Variants in UBR1 observed in about 807,000 individuals in gnomAD.
UBR1 encodes ubiquitin protein ligase E3 component n-recognin 1.
UBR1 carries 102 observed loss-of-function variants against 242.1 expected under a neutral mutation model. That is an observed-to-expected ratio of 0.42 (90% CI 0.36 to 0.50). The LOEUF is 0.50. Ranked by LOEUF, UBR1 falls within the 20% of genes least tolerant of loss-of-function variation. The pLI, the probability that UBR1 is intolerant of heterozygous loss-of-function variation, is 0.01. For synonymous variants in UBR1, 675 were observed against 684.8 expected (o/e 0.99, Z 0.22); for missense variants, 1,772 against 2,101.8 (o/e 0.84, Z 3.07).
In UBR1 at chr15:43,037,901, C is replaced by A; in HGVS notation, c.1912-18G>T. The A allele has an allele frequency of 6.3e-7, 1 of 1,597,684 alleles. No individual in the cohort carries two copies. The highest frequency in any genetic ancestry group is 1.1e-5 in the South Asian group (1 of 90,174). On this transcript the variant is annotated intron_variant, in intron 16 of 46. Transcript: ENST00000290650. Reference sequence around the variant, plus strand: ...AAGTCCTCCTGAAATAGAGTGAGTTCAATTTTATCATTTCTCACAGAGCTT... The same window carrying A: ...AAGTCCTCCTGAAATAGAGTGAGTTAAATTTTATCATTTCTCACAGAGCTT...
intron 3 of UBR1, among the ~76,000 whole-genome samples, chr15:43,075,456 T>C (rs971414941): frequency 1.3e-5 from 2 of 152,178 alleles, no homozygotes; most frequent in African/African-American, 4.8e-5. Flanking sequence ...TTAATTGTTA[T>C]ACTTTAAGTT....
In UBR1 at chr15:43,097,397, G is replaced by A. The variant is rs562232010; in HGVS notation, c.81+8545C>T. Among the ~76,000 whole-genome samples the A allele has an allele frequency of 2.6e-5, 4 of 152,272 alleles. No homozygotes were observed. The East Asian group carries it at 7.7e-4, about 29-fold the overall frequency. ...ATTTTCTGAATGGTAAATGGAAATTGGCTTCAACTTAAAATTACCAGCTGC... is the reference window on the plus strand; with the variant it reads ...ATTTTCTGAATGGTAAATGGAAATTAGCTTCAACTTAAAATTACCAGCTGC... On this transcript the variant is annotated intron_variant, in intron 1 of 46. Transcript: ENST00000290650.
At chr15:43,068,643 T>A (rs1389242767) in intron 5 of UBR1, among the ~76,000 whole-genome samples, 1 of 149,448 alleles carries the variant, frequency 6.7e-6, no homozygotes, top group Non-Finnish European at 1.5e-5. Context: ...TTGTTTTAGA[T>A]GGAATCTCAC....
intron 30 of UBR1, among the ~76,000 whole-genome samples, chr15:43,005,570 C>T (rs1315914590): frequency 2.0e-5 from 3 of 152,208 alleles, no homozygotes; most frequent in African/African-American, 7.2e-5. Flanking sequence ...TCTGCCCGGC[C>T]ACCACCCCGT....
chr15:43,097,652 T>C (rs2034177531), intron 1 of UBR1, among the ~76,000 whole-genome samples: 1 of 152,272 alleles, frequency 6.6e-6, no homozygotes, highest in African/African-American at 2.4e-5. Flanking sequence ...ACTTTTATGT[T>C]GTGGAGATGG....
At chr15:42,994,407 A>T (rs934351302) in intron 33 of UBR1, among the ~76,000 whole-genome samples, 4 of 123,464 alleles carry the variant, frequency 3.2e-5, no homozygotes, top group Admixed American at 1.7e-4. Flanking sequence ...AAAAAAAAAA[A>T]TCCGTGGGCA....
At chr15:43,004,002 C>T (rs1318717301) in intron 30 of UBR1, 72 bp from the exon 31 acceptor site, 11 of 1,340,806 alleles carry the variant, frequency 8.2e-6, no homozygotes, top group African/African-American at 1.4e-5. Context: ...CACAAACTGT[C>T]TTAGGAATGT....
chr15:43,059,380 A>G (rs767858541), intron 8 of UBR1, among the ~76,000 whole-genome samples, 188 bp from the exon 9 acceptor site: 11 of 152,152 alleles, frequency 7.2e-5, no homozygotes, highest in Non-Finnish European at 1.0e-4. Flanking sequence ...TTTTATTCTT[A>G]TAACATTTCT....
intron 6 of UBR1, among the ~76,000 whole-genome samples, chr15:43,064,097 C>T (rs2033723137): frequency 6.6e-6 from 1 of 152,202 alleles, no homozygotes; most frequent in African/African-American, 2.4e-5. Flanking sequence ...TAGATTCAAT[C>T]TGATTCATCT....
rs191544070 is a variant in UBR1, at chr15:42,974,511, A to C, written c.4369+2206T>G. On this transcript the variant is annotated intron_variant, in intron 39 of 46. Coordinates refer to ENST00000290650, the MANE Select transcript of UBR1 (RefSeq NM_174916.3). ...TAAGGTTGGGTAGTGTCAACCCTCC[A>C]AATTTCTTCTCCTCCAATACTGAGC... is the stretch of plus-strand genomic sequence containing the variant. Among the ~76,000 whole-genome samples, 420 of 152,276 alleles carry C rather than the reference A, an allele frequency of 2.8e-3. 1 individual carries two copies. The highest frequency in any genetic ancestry group is 4.8e-3 in the Non-Finnish European group (324 of 68,014).
chr15:43,023,595 T>A (rs2033138813), intron 25 of UBR1, among the ~76,000 whole-genome samples: 1 of 41,870 alleles, frequency 2.4e-5, no homozygotes, highest in South Asian at 1.3e-3. Context: ...TGAAACTCCA[T>A]CTCAAAAAAA....
At chr15:43,032,310 G>C (rs1309692431) in intron 20 of UBR1, among the ~76,000 whole-genome samples, 1 of 151,916 alleles carries the variant, frequency 6.6e-6, no homozygotes, top group Non-Finnish European at 1.5e-5. Context: ...TAATTAAACA[G>C]AATGACATAA....
intron 29 of UBR1, among the ~76,000 whole-genome samples, chr15:43,009,913 C>A (rs532575312): frequency 6.6e-6 from 1 of 152,180 alleles, no homozygotes; most frequent in Non-Finnish European, 1.5e-5. Context: ...GCACTGTTGC[C>A]GGGCTGGAGT....
intron 39 of UBR1, among the ~76,000 whole-genome samples, chr15:42,973,555 A>G (rs2032240233): frequency 6.6e-6 from 1 of 151,998 alleles, no homozygotes; most frequent in Non-Finnish European, 1.5e-5. Flanking sequence ...TGGCCTCCCA[A>G]AGGGCTGGGA....
intron 19 of UBR1, among the ~76,000 whole-genome samples, chr15:43,033,499 C>T (rs781420708): frequency 2.1e-4 from 32 of 151,936 alleles, no homozygotes; most frequent in Non-Finnish European, 3.7e-4. Flanking sequence ...CAAAAATTAG[C>T]CAGGCATGGT....
chr15:43,030,348 A>T (rs944337031), intron 20 of UBR1, among the ~76,000 whole-genome samples: 1 of 152,248 alleles, frequency 6.6e-6, no homozygotes, highest in Non-Finnish European at 1.5e-5. Flanking sequence ...GTATACATAC[A>T]CATACACATA....
At chr15:43,009,852 CAT>C (rs1219075128) in intron 29 of UBR1, among the ~76,000 whole-genome samples, 2 of 152,164 alleles carry the variant, frequency 1.3e-5, no homozygotes, top group African/African-American at 4.8e-5. Flanking sequence ...ACTTACCTAA[CAT>C]AGAATACTCT....
Position 42,990,066 on chromosome 15 carries a change from T to C in UBR1, c.3812A>G (p.Glu1271Gly). 6.2e-7 allele frequency: 1 copy of C among 1,609,306 alleles called. No individual in the cohort carries two copies. The highest frequency in any genetic ancestry group is 8.5e-7 in the Non-Finnish European group (1 of 1,177,304). ...GCCAAAACTCAGGATGGAATGGAAC[T>C]CCAAAGTAGAATCTCCCATTCCTTG... The part of the protein sequence containing the change: ...FNQGMGDSTL[E>G]FHSILSFGVE... The change falls in exon 34 of 47, where the codon GAG becomes GGG. Residue 1271 changes from glutamate (E) to glycine (G), a missense_variant. This residue lies in a region of UBR1 where 965 missense variants were observed against 1,079.7 expected (regional missense o/e 0.89). Coordinates refer to ENST00000290650, the MANE Select transcript of UBR1 (RefSeq NM_174916.3).
intron 12 of UBR1, among the ~76,000 whole-genome samples, chr15:43,051,398 A>G (rs1209226893): frequency 6.6e-6 from 1 of 152,194 alleles, no homozygotes; most frequent in East Asian, 1.9e-4. Context: ...ATAGAGGGGA[A>G]CAACACACAC....
Sources: gnomAD v4.1 joint callset for allele counts (sites outside exome capture counted in the v4.1 genomes callset) on GRCh38, gnomAD v4.1.1 for gene constraint, gnomAD v4.1.1 regional missense constraint, MANE v1.5 for transcripts, NCBI Gene and HGNC (gene_info 2026-07-23, HGNC 2026-07-21) for gene names.